Variants in GPC6 observed in about 807,000 individuals in gnomAD.
GPC6 encodes glypican-6.
Under a neutral mutation model 55.2 loss-of-function variants are expected in GPC6, and 14 were observed. The observed-to-expected ratio is 0.25, with a 90% CI of 0.17 to 0.40. The LOEUF (loss-of-function observed/expected upper bound fraction) is 0.40, where lower values mean the gene tolerates loss of function less well. Among genes scored for constraint, GPC6 ranks in the 10% least tolerant of loss-of-function variants. The pLI is 1.00. For synonymous variants in GPC6, 278 were observed against 259.6 expected, an observed-to-expected ratio of 1.07 and a Z score of -0.68; for missense variants, 641 against 708.5, an observed-to-expected ratio of 0.90 and a Z score of 1.08.
intron 6 of GPC6, among the ~76,000 whole-genome samples, chr13:94,380,288 G>A (rs1440644241): frequency 6.6e-6 from 1 of 152,160 alleles, no homozygotes; most frequent in Non-Finnish European, 1.5e-5. Flanking sequence ...TATAAAACAT[G>A]TATTTCTTTC....
At chr13:93,263,989 C>T (rs1293803922) in intron 1 of GPC6, among the ~76,000 whole-genome samples, 7 of 152,240 alleles carry the variant, frequency 4.6e-5, no homozygotes, top group South Asian at 2.1e-4. Flanking sequence ...GGCCTGTTTA[C>T]GTGACGGTAT....
intron 2 of GPC6, among the ~76,000 whole-genome samples, chr13:93,569,970 T>G (rs1876324632): frequency 6.6e-6 from 1 of 152,090 alleles, no homozygotes; most frequent in African/African-American, 2.4e-5. Flanking sequence ...GAATCGGTCA[T>G]TACTCATTGT....
intron 3 of GPC6, among the ~76,000 whole-genome samples, chr13:93,910,724 T>C (rs1010307302): frequency 3.3e-5 from 5 of 152,164 alleles, no homozygotes; most frequent in Non-Finnish European, 5.9e-5. Context: ...GGATTCAGCC[T>C]CCTAAAAGCC....
intron 4 of GPC6, among the ~76,000 whole-genome samples, chr13:94,156,646 T>G (rs1887955657): frequency 6.6e-6 from 1 of 152,184 alleles, no homozygotes; most frequent in South Asian, 2.1e-4. Flanking sequence ...AAATCATATT[T>G]GCCCCAGGAC....
intron 1 of GPC6, among the ~76,000 whole-genome samples, chr13:93,339,735 A>G (rs1880174351): frequency 6.6e-6 from 1 of 152,222 alleles, no homozygotes; most frequent in Non-Finnish European, 1.5e-5. Flanking sequence ...TCCCGGGCTT[A>G]AAATGACTAC....
At chr13:94,004,986 C>A (rs191096178) in intron 3 of GPC6, among the ~76,000 whole-genome samples, 8 of 152,092 alleles carry the variant, frequency 5.3e-5, no homozygotes, top group African/African-American at 1.9e-4. Flanking sequence ...CGCTTAAACC[C>A]CAGGGGGAGG....
At chr13:93,228,174 A>G (rs988228502) in intron 1 of GPC6, among the ~76,000 whole-genome samples, 3 of 152,076 alleles carry the variant, frequency 2.0e-5, no homozygotes, top group Non-Finnish European at 4.4e-5. Context: ...GGGGCGGGCA[A>G]GGCTGGGAGG....
At chr13:93,879,854 A>C (rs1224560362) in intron 3 of GPC6, among the ~76,000 whole-genome samples, 12 of 152,050 alleles carry the variant, frequency 7.9e-5, no homozygotes, top group Admixed American at 3.9e-4. Context: ...CAATGAACTC[A>C]AACAAATTTA....
intron 4 of GPC6, among the ~76,000 whole-genome samples, chr13:94,149,664 G>A (rs918182905): frequency 8.6e-5 from 13 of 151,886 alleles, no homozygotes; most frequent in South Asian, 2.1e-4. Flanking sequence ...TCTGAGCCTC[G>A]ATTTTTACTC....
At chr13:94,164,671 A>G (rs892845734) in intron 4 of GPC6, among the ~76,000 whole-genome samples, 2 of 152,188 alleles carry the variant, frequency 1.3e-5, no homozygotes, top group Non-Finnish European at 2.9e-5. Context: ...AATTGGGATG[A>G]TTTCTACAGT....
In GPC6 at chr13:94,292,113, G is replaced by A. The variant is rs181827888; in HGVS notation, c.1008+5634G>A. Among the ~76,000 whole-genome samples, 31 of 152,248 alleles carry A rather than the reference G, an allele frequency of 2.0e-4. No homozygotes were observed. In the East Asian group the frequency reaches 3.5e-3, roughly 17 times the overall value. ...TCTATTGTGTAATATTTATAATAGT[G>A]CTTGTGATGAGATAGAGCTCCCTAT... On this transcript the variant is annotated intron_variant, in intron 5 of 8. Coordinates refer to ENST00000377047, the MANE Select transcript of GPC6 (RefSeq NM_005708.5).
rs76716058 is a variant in GPC6 at position 93,377,337 on chromosome 13, T to A, written c.160+149721T>A. On this transcript the variant is annotated intron_variant, in intron 1 of 8. Transcript: ENST00000377047. ...AAAGAGGTTATGAAGCTCTACATCT[T>A]GGAGACGAGACACACATGTGCAAGA... Among the ~76,000 whole-genome samples the A allele has an allele frequency of 2.6e-4, 39 of 152,288 alleles. No homozygotes were observed. In the East Asian group the frequency reaches 7.1e-3, roughly 28 times the overall value.
intron 3 of GPC6, among the ~76,000 whole-genome samples, chr13:94,020,918 A>G (rs1172467808): frequency 6.6e-6 from 1 of 152,166 alleles, no homozygotes; most frequent in East Asian, 1.9e-4. Context: ...AATATTTAAC[A>G]CAAAAGATAC....
At chr13:93,288,216 A>G (rs542406260) in intron 1 of GPC6, among the ~76,000 whole-genome samples, 1 of 152,312 alleles carries the variant, frequency 6.6e-6, no homozygotes, top group East Asian at 1.9e-4. Context: ...GGGCTTGAAT[A>G]TATTAAAAAA....
intron 6 of GPC6, among the ~76,000 whole-genome samples, chr13:94,372,371 C>G (rs943892042): frequency 6.6e-6 from 1 of 151,702 alleles, no homozygotes; most frequent in Non-Finnish European, 1.5e-5. Flanking sequence ...GTGCGCGAGC[C>G]GAAGCAGGGC....
At chr13:93,800,802 T>G (rs2138936971) in intron 2 of GPC6, among the ~76,000 whole-genome samples, 1 of 152,338 alleles carries the variant, frequency 6.6e-6, no homozygotes, top group African/African-American at 2.4e-5. Flanking sequence ...AACATCAACC[T>G]AGAAAATTAG....
chr13:93,855,088 T>C (rs1054317394), intron 3 of GPC6, among the ~76,000 whole-genome samples: 1 of 151,660 alleles, frequency 6.6e-6, no homozygotes, highest in Non-Finnish European at 1.5e-5. Context: ...GTACATTTTG[T>C]AGGTTTGGAC....
At chr13:94,401,787 C>G (rs1332972382) in intron 8 of GPC6, among the ~76,000 whole-genome samples, 1 of 152,014 alleles carries the variant, frequency 6.6e-6, no homozygotes, top group Admixed American at 6.6e-5. Flanking sequence ...ATAAAAACCA[C>G]CAGGTACAGA....
At chr13:93,501,013 A>G (rs1880501235) in intron 1 of GPC6, among the ~76,000 whole-genome samples, 1 of 152,302 alleles carries the variant, frequency 6.6e-6, no homozygotes, top group East Asian at 1.9e-4. Context: ...TTTCTGTACT[A>G]TCTGAGAGAT....
Sources: allele counts gnomAD v4.1 joint callset (sites outside exome capture counted in the v4.1 genomes callset), GRCh38; gene constraint gnomAD v4.1.1; transcripts MANE v1.5; gene names NCBI Gene and HGNC (gene_info 2026-07-23, HGNC 2026-07-21).